The following PLEKHA5 variants were observed in gnomAD, a reference collection of about 807,000 sequenced individuals.
PLEKHA5 encodes pleckstrin homology domain-containing family A member 5.
A neutral mutation model predicts 181.9 loss-of-function variants in PLEKHA5; 55 were observed. The observed-to-expected ratio is 0.30, with a 90% CI of 0.24 to 0.38. The LOEUF is 0.38. Ranked by LOEUF, PLEKHA5 falls within the 10% of genes least tolerant of loss-of-function variation. The pLI, the probability that PLEKHA5 is intolerant of heterozygous loss-of-function variation, is 1.00. For synonymous variants in PLEKHA5, 535 were observed against 529.4 expected, an observed-to-expected ratio of 1.01 and a Z score of -0.15; for missense variants, 1,432 against 1,549.5, an observed-to-expected ratio of 0.92 and a Z score of 1.27.
intron 3 of PLEKHA5, among the ~76,000 whole-genome samples, chr12:19,174,661 T>G (rs1375732776): frequency 2.0e-5 from 3 of 152,158 alleles, no homozygotes; most frequent in Non-Finnish European, 2.9e-5. Context: ...AGGTGACACC[T>G]AGGTTATTCA....
chr12:19,320,301 G>A (rs1459499482), intron 17 of PLEKHA5, among the ~76,000 whole-genome samples: 1 of 151,930 alleles, frequency 6.6e-6, no homozygotes, highest in Non-Finnish European at 1.5e-5. Flanking sequence ...TACTGTATTA[G>A]TTTTGTTTGA....
At chr12:19,309,958 T>G (rs1451673236) in intron 15 of PLEKHA5, among the ~76,000 whole-genome samples, 1 of 152,104 alleles carries the variant, frequency 6.6e-6, no homozygotes, top group Non-Finnish European at 1.5e-5. Flanking sequence ...TCGAAATTAT[T>G]TTACAAGACT....
At chr12:19,293,795 C>T (rs1301198175) in intron 15 of PLEKHA5, among the ~76,000 whole-genome samples, 1 of 152,164 alleles carries the variant, frequency 6.6e-6, no homozygotes, top group African/African-American at 2.4e-5. Context: ...TCCTCAATCA[C>T]TTTCCCACAT....
intron 15 of PLEKHA5, among the ~76,000 whole-genome samples, chr12:19,304,723 A>C (rs2082633015): frequency 6.6e-6 from 1 of 151,232 alleles, no homozygotes; most frequent in Non-Finnish European, 1.5e-5. Flanking sequence ...AAGGTTTTAA[A>C]TCTCCACAGG....
In PLEKHA5 at chr12:19,254,016, A is replaced by T; in HGVS notation, c.304A>T (p.Asn102Tyr). The part of the protein sequence containing the change: ...PSQDNCIFVV[N>Y]EQTVATMTSE... ...ACAGGACAATTGTATTTTTGTAGTG[A>T]ATGAACAGTAAGTAAAGAGTTTCAT... Residue 102 changes from asparagine (N) to tyrosine (Y), a missense_variant, in exon 4 of 32, where the codon AAT (asparagine) becomes TAT (tyrosine). Transcript: ENST00000429027. The T allele has an allele frequency of 6.3e-7, 1 of 1,580,658 alleles. No homozygotes were observed.
intron 3 of PLEKHA5, among the ~76,000 whole-genome samples, chr12:19,189,199 C>T (rs1265706412): frequency 6.6e-6 from 1 of 152,134 alleles, no homozygotes; most frequent in Non-Finnish European, 1.5e-5. Flanking sequence ...GTGAGGGGGA[C>T]CGGGGCCACA....
chr12:19,334,829 A>AAAAAAAAAAAAAAATATATATAT, intron 20 of PLEKHA5, among the ~76,000 whole-genome samples: 3 of 18,604 alleles, frequency 1.6e-4, no homozygotes, highest in Admixed American at 8.8e-4. Context: ...AAAAAAAAAA[A>AAAAAAAAAAAAAAATATATATAT]ATATATATAT....
intron 3 of PLEKHA5, among the ~76,000 whole-genome samples, chr12:19,175,971 A>C (rs1277888422): frequency 6.6e-6 from 1 of 152,322 alleles, no homozygotes; most frequent in East Asian, 1.9e-4. Context: ...GGTTTGCCTA[A>C]GAAATACGTA....
intron 3 of PLEKHA5, among the ~76,000 whole-genome samples, chr12:19,240,934 T>A (rs1039785795): frequency 1.1e-4 from 17 of 152,178 alleles, no homozygotes; most frequent in African/African-American, 3.6e-4. Flanking sequence ...TTTAACCCGC[T>A]AAAATATACC....
intron 3 of PLEKHA5, among the ~76,000 whole-genome samples, chr12:19,229,588 G>A (rs1290712314): frequency 6.6e-6 from 1 of 152,184 alleles, no homozygotes; most frequent in Non-Finnish European, 1.5e-5. Context: ...GACCTTCGCA[G>A]TGAGTGTTAC....
At chr12:19,326,370 A>G (rs995359278) in intron 20 of PLEKHA5, among the ~76,000 whole-genome samples, 4 of 152,110 alleles carry the variant, frequency 2.6e-5, no homozygotes, top group Non-Finnish European at 5.9e-5. Flanking sequence ...GCAGAATCTC[A>G]AAGGATTTCA....
At chr12:19,291,541 T>C in intron 14 of PLEKHA5, 103 bp from the exon 15 acceptor site, 1 of 662,868 alleles carries the variant, frequency 1.5e-6, no homozygotes, top group South Asian at 1.8e-5. Context: ...TGTGATATAA[T>C]AGGTTGTAGT....
At chr12:19,293,865 CA>C (rs1393871681) in intron 15 of PLEKHA5, among the ~76,000 whole-genome samples, 1 of 152,128 alleles carries the variant, frequency 6.6e-6, no homozygotes, top group Non-Finnish European at 1.5e-5. Context: ...TTCACATTCC[CA>C]TCTCTCCTCT....
At chr12:19,271,603 T>C (rs1436150389) in intron 10 of PLEKHA5, among the ~76,000 whole-genome samples, 1 of 152,270 alleles carries the variant, frequency 6.6e-6, no homozygotes, top group African/African-American at 2.4e-5. Flanking sequence ...AAAATATTTA[T>C]GTCCAAATAA....
At chr12:19,265,628 C>A in intron 7 of PLEKHA5, 122 bp from the exon 8 acceptor site, 1 of 606,492 alleles carries the variant, frequency 1.6e-6, no homozygotes, top group Non-Finnish European at 3.0e-6. Flanking sequence ...TAAAGGCCTG[C>A]CTGAACATGA....
intron 10 of PLEKHA5, among the ~76,000 whole-genome samples, chr12:19,272,463 G>A (rs972400184): frequency 6.6e-6 from 1 of 152,256 alleles, no homozygotes; most frequent in East Asian, 1.9e-4. Context: ...TTTAGGCTGA[G>A]CACGGTGGCT....
chr12:19,226,443 TG>T (rs1592127550), intron 3 of PLEKHA5, among the ~76,000 whole-genome samples: 1 of 152,316 alleles, frequency 6.6e-6, no homozygotes, highest in East Asian at 1.9e-4. Flanking sequence ...TTTAATTATT[TG>T]GGTATATATA....
At chr12:19,192,182 CTTTA>C (rs1410986154) in intron 3 of PLEKHA5, among the ~76,000 whole-genome samples, 11 of 151,928 alleles carry the variant, frequency 7.2e-5, no homozygotes, top group African/African-American at 2.2e-4. Context: ...TAAATGCTTG[CTTTA>C]TTTTTCAATT....
Position 19,314,767 on chromosome 12 carries a change from A to G in PLEKHA5, c.2038-47A>G, listed in dbSNP as rs141182804. 5.5e-4 allele frequency: 533 copies of G among 974,552 alleles called. 5 individuals are homozygous for G. The East Asian group carries it at 0.011, about 19-fold the overall frequency. 60.4% of individuals were successfully genotyped at this position (974,552 alleles called of 1,614,324 possible). On this transcript the variant is annotated intron_variant, in intron 15 of 31. Coordinates refer to ENST00000429027, the MANE Select transcript of PLEKHA5 (RefSeq NM_001256470.2). ...ACAGTGTCGTCTTTCAAATCTAGCT[A>G]TGCTGTAAACTGATGTTTGCTGTAT...
Sources: allele counts gnomAD v4.1 joint callset (sites outside exome capture counted in the v4.1 genomes callset), GRCh38; gene constraint gnomAD v4.1.1; transcripts MANE v1.5; gene names NCBI Gene and HGNC (gene_info 2026-07-23, HGNC 2026-07-21).